Variants in ITGB1BP1 observed in about 807,000 individuals in gnomAD.
The protein encoded by ITGB1BP1 is integrin beta-1-binding protein 1.
Under a neutral mutation model 28.0 loss-of-function variants are expected in ITGB1BP1, and 20 were observed. The ratio of observed to expected loss-of-function variants is 0.71; its 90% confidence interval spans 0.50 to 1.04. ITGB1BP1 has a LOEUF of 1.04. ITGB1BP1 is among the 50% of genes least tolerant of loss of function. The pLI, the probability that ITGB1BP1 is intolerant of heterozygous loss-of-function variation, is 0.00. For synonymous variants in ITGB1BP1, 103 were observed against 89.5 expected (o/e 1.15, Z -0.85); for missense variants, 228 against 242.5 (o/e 0.94, Z 0.40).
rs1216125012 is a variant in ITGB1BP1 at position 9,423,527 on chromosome 2, A to G, written c.-190T>C. 6.0e-6 allele frequency: 7 copies of G among 1,171,322 alleles called. No individual in the cohort carries two copies. In the African/African-American group the frequency reaches 6.5e-5, roughly 11 times the overall value. The allele number at this position is 1,171,322 out of a possible 1,614,324, so 72.6% of individuals were successfully genotyped here. A position where few individuals can be genotyped will look rare whatever the true frequency, so the allele number is the denominator to read the frequency against. On this transcript the variant is annotated 5_prime_UTR_variant, in exon 1 of 7. Coordinates refer to ENST00000355346, the MANE Select transcript of ITGB1BP1 (RefSeq NM_004763.5). Reference sequence around the variant, plus strand: ...TCCGCCGGGCCGCGCCTCCAAGACTATGCGCAGGCGCAGTCCTGACGTCCT... The same window carrying G: ...TCCGCCGGGCCGCGCCTCCAAGACTGTGCGCAGGCGCAGTCCTGACGTCCT...
chr2:9,406,910 A>G lies in ITGB1BP1; in HGVS notation c.532-5T>C, dbSNP rs1284339226. 5 of 1,605,034 alleles carry G rather than the reference A, an allele frequency of 3.1e-6. No individual in the cohort carries two copies. The highest frequency in any genetic ancestry group is 2.7e-5 in the African/African-American group (2 of 74,740). On this transcript the variant is annotated splice_polypyrimidine_tract_variant and splice_region_variant and intron_variant, in intron 6 of 6. Coordinates refer to ENST00000355346, the MANE Select transcript of ITGB1BP1 (RefSeq NM_004763.5). ...GCAAATGGCTTGTGCTTGTTCCTAC[A>G]TTACATGAAAGATAGAGTAAGAGCA...
chr2:9,412,553 G>A (rs1678580664), intron 3 of ITGB1BP1, 148 bp from the exon 4 acceptor site: 1 of 624,232 alleles, frequency 1.6e-6, no homozygotes, highest in Admixed American at 3.4e-5. Context: ...TTATGTAATG[G>A]GGAAGAACTT....
intron 2 of ITGB1BP1, among the ~76,000 whole-genome samples, chr2:9,417,523 A>G (rs1679296402): frequency 6.6e-6 from 1 of 151,262 alleles, no homozygotes; most frequent in Non-Finnish European, 1.5e-5. Flanking sequence ...GGTTCAAGCA[A>G]CTCTCCTGTC....
In ITGB1BP1 at chr2:9,413,067, C is replaced by G. The variant is rs538146686; in HGVS notation, c.152-662G>C. 2.6e-5 allele frequency among the ~76,000 whole-genome samples: 4 copies of G among 152,308 alleles called. No homozygotes were observed. In the East Asian group the frequency reaches 5.8e-4, roughly 22 times the overall value. ...CAGCCAACACAAAAACTCCTACAAA[C>G]GACTTATAACCTCAACCATATTAAG... On this transcript the variant is annotated intron_variant, in intron 3 of 6. Coordinates refer to ENST00000355346, the MANE Select transcript of ITGB1BP1 (RefSeq NM_004763.5).
rs1433004391 is a variant in ITGB1BP1 at position 9,415,867 on chromosome 2, T to C, written c.73-1611A>G. Among the ~76,000 whole-genome samples, 12 of 152,174 alleles carry C rather than the reference T, an allele frequency of 7.9e-5. No homozygotes were observed. Among genetic ancestry groups the C allele is most frequent in the African/African-American group, 2.9e-4 (12 of 41,440 alleles). On this transcript the variant is annotated intron_variant, in intron 2 of 6. Transcript: ENST00000355346. This position sits in a 1 kb window ranked among gnomAD's most constrained non-coding sequence, Gnocchi z 4.1. Reference sequence around the variant, plus strand: ...GTGGCAGTCGTGTGTCTTTGTCTCATTCACATGTGGCTGTTATTTAACAGC... The same window carrying C: ...GTGGCAGTCGTGTGTCTTTGTCTCACTCACATGTGGCTGTTATTTAACAGC...
chr2:9,407,743 C>T (rs914422202), intron 5 of ITGB1BP1, 145 bp from the exon 6 acceptor site: 7 of 851,442 alleles, frequency 8.2e-6, no homozygotes, highest in South Asian at 3.4e-5. Context: ...TGCTCAGTCT[C>T]GGGCAATGCC....
rs771640299 is a variant in ITGB1BP1, at chr2:9,406,869, C to T, written c.568G>A (p.Ala190Thr). 14 of 1,613,218 alleles carry T rather than the reference C, an allele frequency of 8.7e-6. No individual in the cohort carries two copies. The highest frequency in any genetic ancestry group is 1.0e-5 in the Non-Finnish European group (12 of 1,179,306). The change falls in exon 7 of 7, where the codon GCT (alanine) becomes ACT (threonine). Residue 190 changes from alanine (A) to threonine (T), a missense_variant. By Grantham distance (58) the Ala-to-Thr change is moderately conservative. This residue lies in a region of ITGB1BP1 where 192 missense variants were observed against 181.6 expected (regional missense o/e 1.06). Transcript: ENST00000355346. ...AQAICKVLST[A>T]FDSVLTSEKP ...TCAGATGTTAATACAGAGTCAAAAG[C>T]GGTGGATAAAACCTTGCAAATGGCT...
intron 2 of ITGB1BP1, among the ~76,000 whole-genome samples, chr2:9,417,273 T>A (rs1257168205): frequency 6.6e-6 from 1 of 152,036 alleles, no homozygotes; most frequent in Non-Finnish European, 1.5e-5. Flanking sequence ...ACTCCTCCCA[T>A]GGGCCTTTGC....
At chr2:9,422,726 C>T (rs1349008475) in intron 1 of ITGB1BP1, 18 of 985,532 alleles carry the variant, frequency 1.8e-5, no homozygotes, top group Non-Finnish European at 2.2e-5. Flanking sequence ...ACAGCGATTC[C>T]CATGTACCAA....
At chr2:9,417,277 C>G (rs1679265075) in intron 2 of ITGB1BP1, among the ~76,000 whole-genome samples, 1 of 152,046 alleles carries the variant, frequency 6.6e-6, no homozygotes. Context: ...CTCCCATGGG[C>G]CTTTGCTCTC....
intron 5 of ITGB1BP1, among the ~76,000 whole-genome samples, chr2:9,407,829 C>T (rs1260639707): frequency 6.6e-6 from 1 of 151,664 alleles, no homozygotes; most frequent in Non-Finnish European, 1.5e-5. Context: ...TCCAAGCTGA[C>T]AGCTGCTCTT....
chr2:9,404,810 G>C lies in ITGB1BP1; in HGVS notation c.*2024C>G, dbSNP rs1037052095. 2 of 151,430 alleles carry C rather than the reference G, an allele frequency of 1.3e-5. No homozygotes were observed. The highest frequency in any genetic ancestry group is 2.9e-5 in the Non-Finnish European group (2 of 67,808). 9.4% of individuals were successfully genotyped at this position (151,430 alleles called of 1,614,324 possible). A position where few individuals can be genotyped will look rare whatever the true frequency, so the allele number is the denominator to read the frequency against. Reference sequence around the variant, plus strand: ...GACAGAACAAACTGGAATGTTTTATGATGTTGTATAGCAATCGCTTTTTAC... The same window carrying C: ...GACAGAACAAACTGGAATGTTTTATCATGTTGTATAGCAATCGCTTTTTAC... On this transcript the variant is annotated 3_prime_UTR_variant, in exon 7 of 7. Coordinates refer to ENST00000355346, the MANE Select transcript of ITGB1BP1 (RefSeq NM_004763.5).
Position 9,408,191 on chromosome 2 carries a change from C to G in ITGB1BP1, c.303G>C (p.Leu101Phe). Reference sequence around the variant, plus strand: ...ATTCTTCCTCCGGAGGAACAAAAGGCAACTTTCCATCTTGCTTTAAAGTAA... The same window carrying G: ...ATTCTTCCTCCGGAGGAACAAAAGGGAACTTTCCATCTTGCTTTAAAGTAA... ...YIDVAQQDGKLPFVPPEEEFI... is the reference protein window; with the variant it reads ...YIDVAQQDGKFPFVPPEEEFI... Residue 101 changes from leucine (L) to phenylalanine (F), a missense_variant, in exon 5 of 7, where the codon TTG becomes TTC. Coordinates refer to ENST00000355346, the MANE Select transcript of ITGB1BP1 (RefSeq NM_004763.5). 1 of 1,594,216 alleles carries G rather than the reference C, an allele frequency of 6.3e-7. No individual in the cohort carries two copies. Among genetic ancestry groups the G allele is most frequent in the Middle Eastern group, 1.7e-4 (1 of 5,790 alleles).
At position 9,406,636 on chromosome 2, in the gene ITGB1BP1, T is replaced by C; in HGVS notation, c.*198A>G. 1 of 574,168 alleles carries C rather than the reference T, an allele frequency of 1.7e-6. No homozygotes were observed. Among genetic ancestry groups the C allele is most frequent in the Non-Finnish European group, 3.1e-6 (1 of 321,426 alleles). 35.6% of individuals were successfully genotyped at this position (574,168 alleles called of 1,614,324 possible). ...AAATGAAGTTTTTTAGCCCAGAAAA[T>C]AGATGACTTCATTGAGAGTTAACTC... On this transcript the variant is annotated 3_prime_UTR_variant, in exon 7 of 7. Transcript: ENST00000355346.
In ITGB1BP1 at chr2:9,403,558, C is replaced by A; in HGVS notation, c.*3276G>T. Reference sequence around the variant, plus strand: ...ATTTATTAGGAAAAACTGAATTTCCCAACAGGTGAACTGAAAAGTTATTTT... The same window carrying A: ...ATTTATTAGGAAAAACTGAATTTCCAAACAGGTGAACTGAAAAGTTATTTT... On this transcript the variant is annotated 3_prime_UTR_variant, in exon 7 of 7. Coordinates refer to ENST00000355346, the MANE Select transcript of ITGB1BP1 (RefSeq NM_004763.5). 3.9e-6 allele frequency: 2 copies of A among 515,820 alleles called. No homozygotes were observed. Among genetic ancestry groups the A allele is most frequent in the Non-Finnish European group, 6.8e-6 (2 of 293,004 alleles). 32.0% of individuals were successfully genotyped at this position (515,820 alleles called of 1,614,324 possible).
In ITGB1BP1 at chr2:9,407,570, A is replaced by T; in HGVS notation, c.410T>A (p.Leu137Ter). 1.2e-6 allele frequency: 2 copies of T among 1,614,166 alleles called. No individual in the cohort carries two copies. The highest frequency in any genetic ancestry group is 8.5e-7 in the Non-Finnish European group (1 of 1,180,016). ...YDVLHRHALY[L>*]IIRMVCYDDG... ...ATCGTAACACACCATCCGGATTATT[A>T]AGTAGAGAGCATGCCTGTGCAAAAC... The change falls in exon 6 of 7, where the codon TTA (leucine) becomes TAA (stop). Residue 137 changes from leucine (L) to a stop codon, truncating the protein, a stop_gained. Coordinates refer to ENST00000355346, the MANE Select transcript of ITGB1BP1 (RefSeq NM_004763.5). LOFTEE classifies it high-confidence loss of function.
At position 9,404,700 on chromosome 2, in the gene ITGB1BP1, T is replaced by C. The variant is rs561502710; in HGVS notation, c.*2134A>G. 14 of 152,264 alleles carry C rather than the reference T, an allele frequency of 9.2e-5. No individual in the cohort carries two copies. The highest frequency in any genetic ancestry group is 3.1e-4 in the African/African-American group (13 of 41,446). 9.4% of individuals were successfully genotyped at this position (152,264 alleles called of 1,614,324 possible). The stretch of plus-strand genomic sequence containing the variant: ...CATTTGTTGTGATGGTGCATTTGAT[T>C]GAAGCAGCTTGTCTTTATTATGCAA... On this transcript the variant is annotated 3_prime_UTR_variant, in exon 7 of 7. Transcript: ENST00000355346.
intron 4 of ITGB1BP1, among the ~76,000 whole-genome samples, chr2:9,411,588 C>T (rs1678397594): frequency 6.6e-6 from 1 of 151,940 alleles, no homozygotes; most frequent in Non-Finnish European, 1.5e-5. Context: ...TGGGCCGTGG[C>T]AGCATGCGCC....
chr2:9,413,271 T>C (rs1055902964), intron 3 of ITGB1BP1, among the ~76,000 whole-genome samples: 1 of 152,192 alleles, frequency 6.6e-6, no homozygotes, highest in Non-Finnish European at 1.5e-5. Context: ...AATGAATATA[T>C]TTCCAGTTAG....
Sources: gnomAD v4.1 joint callset for allele counts (sites outside exome capture counted in the v4.1 genomes callset) on GRCh38, gnomAD v4.1.1 for gene constraint, gnomAD v4.1.1 regional missense constraint, Gnocchi (gnomAD v3.1) non-coding constraint, MANE v1.5 for transcripts, NCBI Gene and HGNC (gene_info 2026-07-23, HGNC 2026-07-21) for gene names.